Variants in EVPL observed in about 807,000 individuals in gnomAD.
The protein encoded by EVPL is envoplakin.
Under a neutral mutation model 129.7 loss-of-function variants are expected in EVPL, and 94 were observed. That is an observed-to-expected ratio of 0.72 (90% confidence interval 0.61 to 0.86). The LOEUF is 0.86. Among genes scored for constraint, EVPL ranks in the 40% least tolerant of loss-of-function variants. The probability of loss-of-function intolerance (pLI) is 0.00; values close to 1 mark genes in which losing one functional copy is unlikely to be tolerated. For missense variants in EVPL, 2,625 were observed against 2,721.1 expected, an observed-to-expected ratio of 0.96 and a Z score of 0.79; for synonymous variants, 1,172 against 1,191.1, an observed-to-expected ratio of 0.98 and a Z score of 0.33.
chr17:76,008,616 C>G lies in EVPL; in HGVS notation c.4589G>C (p.Arg1530Pro). ...YKEVIRVQKD[R>P]VLEDERARVW... ...GCGGGCCCGCTCATCTTCCAGGACG[C>G]GGTCCTTCTGCACCCGGATCACTTC... The change falls in exon 22 of 22, where the codon CGC becomes CCC. Residue 1530 changes from arginine to proline, a missense_variant. Coordinates refer to ENST00000301607, the MANE Select transcript of EVPL (RefSeq NM_001988.4). This position sits in a 1 kb window ranked among gnomAD's most constrained non-coding sequence, Gnocchi z 7.4. 6.2e-7 allele frequency: 1 copy of G among 1,612,126 alleles called. No homozygotes were observed. The highest frequency in any genetic ancestry group is 8.5e-7 in the Non-Finnish European group (1 of 1,180,010).
chr17:76,014,787 C>A, intron 17 of EVPL, 129 bp downstream of exon 17: 1 of 1,154,842 alleles, frequency 8.7e-7, no homozygotes, highest in Non-Finnish European at 1.2e-6. Context: ...CTGTTGTTAT[C>A]CCATTTTAGA....
At chr17:76,025,139 C>T (rs1202299279) in intron 1 of EVPL, among the ~76,000 whole-genome samples, 1 of 152,210 alleles carries the variant, frequency 6.6e-6, no homozygotes, top group Non-Finnish European at 1.5e-5. Context: ...CCTCTCTGTG[C>T]CTGAGGTTCC....
chr17:76,023,400 C>T lies in EVPL; in HGVS notation c.372G>A (p.Glu124=), dbSNP rs549055012. Residue 124 remains glutamate, a synonymous_variant, in exon 4 of 22, where the codon GAG becomes GAA. Coordinates refer to ENST00000301607, the MANE Select transcript of EVPL (RefSeq NM_001988.4). ...EIEKDIKQLH[E]RVTQECAEYR... The stretch of plus-strand genomic sequence containing the variant: ...ACTCCGCACACTCCTGGGTCACCCG[C>T]TCGTGCAGCTGCTTGATGCTGTCAA... 5.0e-6 allele frequency: 8 copies of T among 1,613,858 alleles called. No homozygotes were observed. Among genetic ancestry groups the T allele is most frequent in the East Asian group, 4.5e-5 (2 of 44,848 alleles).
intron 18 of EVPL, among the ~76,000 whole-genome samples, chr17:76,012,942 C>T (rs1278878818): frequency 6.6e-6 from 1 of 151,902 alleles, no homozygotes; most frequent in African/African-American, 2.4e-5. Flanking sequence ...GATGGGGTTT[C>T]ACCGTGTTAG....
Position 76,024,329 on chromosome 17 carries a change from G to A in EVPL, c.99-209C>T, listed in dbSNP as rs1325131915. On this transcript the variant is annotated intron_variant, in intron 1 of 21. Transcript: ENST00000301607. This position sits in a 1 kb window ranked among gnomAD's most constrained non-coding sequence, Gnocchi z 4.5. ...GCCCCGCCACATGAGGGGTCAAAAG[G>A]TGAGGGTCTCAGGTTTGTGTGGTGC... is the stretch of plus-strand genomic sequence containing the variant. Among the ~76,000 whole-genome samples the A allele has an allele frequency of 1.3e-5, 2 of 152,196 alleles. No individual in the cohort carries two copies. Among genetic ancestry groups the A allele is most frequent in the Non-Finnish European group, 2.9e-5 (2 of 68,024 alleles).
rs756050084 is a variant in EVPL, at chr17:76,009,182, G to A, written c.4023C>T (p.Ala1341=). The A allele has an allele frequency of 8.1e-6, 13 of 1,610,894 alleles. No homozygotes were observed. Among genetic ancestry groups the A allele is most frequent in the Middle Eastern group, 3.3e-4 (2 of 6,084 alleles). The part of the protein sequence containing the change: ...ERLRQEVREA[A]QKRRAAEDAV... ...CGTCCTCCGCGGCCCGCCTCTTCTG[G>A]GCCGCCTCCCGCACCTCCTGGCGGA... is the stretch of plus-strand genomic sequence containing the variant. The change falls in exon 22 of 22, where the codon GCC becomes GCT. Residue 1341 remains alanine, a synonymous_variant. Transcript: ENST00000301607. The surrounding 1 kb of genome is among the most constrained non-coding windows in gnomAD (Gnocchi z 5.9).
At chr17:76,017,589 G>A (rs1353290611) in intron 14 of EVPL, 150 bp downstream of exon 14, 1 of 1,111,028 alleles carries the variant, frequency 9.0e-7, no homozygotes, top group Non-Finnish European at 1.2e-6. Context: ...AGCCAGGAGG[G>A]GAACCAGCTT....
In EVPL at chr17:76,014,951, G is replaced by A; in HGVS notation, c.2187C>T (p.Asp729=). ...RQQRQVRALT[D]RYHAVGDQLD... ...GCTGGTCCCCTACGGCGTGGTAGCG[G>A]TCGGTGAGGGCTCGCACCTGGCGCT... is the stretch of plus-strand genomic sequence containing the variant. The change falls in exon 17 of 22, where the codon GAC becomes GAT. Residue 729 remains aspartate, a synonymous_variant. Coordinates refer to ENST00000301607, the MANE Select transcript of EVPL (RefSeq NM_001988.4). The A allele has an allele frequency of 6.3e-7, 1 of 1,593,730 alleles. No homozygotes were observed. Among genetic ancestry groups the A allele is most frequent in the Non-Finnish European group, 8.5e-7 (1 of 1,171,994 alleles).
In EVPL at chr17:76,009,080, C is replaced by G. The variant is rs762044537; in HGVS notation, c.4125G>C (p.Val1375=). The change falls in exon 22 of 22, where the codon GTG becomes GTC. Residue 1375 remains valine, a synonymous_variant. Transcript: ENST00000301607. This position sits in a 1 kb window ranked among gnomAD's most constrained non-coding sequence, Gnocchi z 5.9. The stretch of plus-strand genomic sequence containing the variant: ...GCTTCGGGTCCTTCTGGGTGACCAC[C>G]ACCTCCTGCACCACCACCTTCTCCT... ...KPEEKVVVQE[V]VVTQKDPKLR... The G allele has an allele frequency of 3.7e-6, 6 of 1,613,458 alleles. No homozygotes were observed. In the Admixed American group the frequency reaches 8.3e-5, roughly 22 times the overall value.
intron 9 of EVPL, among the ~76,000 whole-genome samples, chr17:76,020,503 C>A (rs922753668): frequency 3.3e-5 from 5 of 152,022 alleles, no homozygotes; most frequent in African/African-American, 1.2e-4. Context: ...GGTGCTTTGA[C>A]GGAATTTTTG....
Position 76,015,425 on chromosome 17 carries a change from G to C in EVPL, c.1889+25C>G. ...GGGCCACACGCTGCTGCCCTGCGTG[G>C]CTGCCCTGTCCCCAGAGCACTCACT... On this transcript the variant is annotated intron_variant, in intron 15 of 21. Transcript: ENST00000301607. 3 of 1,607,042 alleles carry C rather than the reference G, an allele frequency of 1.9e-6. No homozygotes were observed. The East Asian group carries it at 6.7e-5, about 36-fold the overall frequency.
rs397833081 is a variant in EVPL, at chr17:76,024,073, T to G, written c.146A>C (p.Asn49Thr). 19 of 1,613,908 alleles carry G rather than the reference T, an allele frequency of 1.2e-5. No individual in the cohort carries two copies. The highest frequency in any genetic ancestry group is 1.5e-5 in the Non-Finnish European group (18 of 1,179,976). ...GATGTCCCGCTCCACCTGGTCGGCG[T>G]TGGCTTGCATGCGGGAGATGAGAAG... ...LALLISRMQA[N>T]ADQVERDILE... Residue 49 changes from asparagine (N) to threonine (T), a missense_variant, in exon 2 of 22, where the codon AAC becomes ACC. Physicochemically the swap from Asn to Thr is moderately conservative, Grantham distance 65 (BLOSUM62 0). This residue lies in a region of EVPL where 139 missense variants were observed against 186.8 expected (regional missense o/e 0.74). Coordinates refer to ENST00000301607, the MANE Select transcript of EVPL (RefSeq NM_001988.4). This position sits in a 1 kb window ranked among gnomAD's most constrained non-coding sequence, Gnocchi z 4.5.
In EVPL at chr17:76,015,558, A is replaced by G. The variant is rs1345483256; in HGVS notation, c.1781T>C (p.Leu594Pro). The G allele has an allele frequency of 1.2e-6, 2 of 1,613,212 alleles. No individual in the cohort carries two copies. Among genetic ancestry groups the G allele is most frequent in the Non-Finnish European group, 1.7e-6 (2 of 1,180,032 alleles). ...ETAQKECEAFLSTRPVGPAAL... is the reference protein window; with the variant it reads ...ETAQKECEAFPSTRPVGPAAL... Reference sequence around the variant, plus strand: ...AGCGGGGCCCACGGGCCGCGTGGACAGAAACGCCTCGCACTCCTTCTGGGC... The same window carrying G: ...AGCGGGGCCCACGGGCCGCGTGGACGGAAACGCCTCGCACTCCTTCTGGGC... Residue 594 changes from leucine to proline, a missense_variant, in exon 15 of 22, where the codon CTG (leucine) becomes CCG (proline). Physicochemically the swap from Leu to Pro is moderately conservative, Grantham distance 98. Around this residue, in one of 4 missense-constraint regions of EVPL, gnomAD observed 1,024 missense variants for 997.5 expected, o/e 1.03. Coordinates refer to ENST00000301607, the MANE Select transcript of EVPL (RefSeq NM_001988.4).
chr17:76,019,757 C>G (rs571972211), intron 9 of EVPL, 104 bp from the exon 10 acceptor site: 1 of 1,375,180 alleles, frequency 7.3e-7, no homozygotes, highest in East Asian at 2.7e-5. Flanking sequence ...GCAGCTAAAC[C>G]TAAACCAGCT....
At chr17:76,010,604 T>A in intron 21 of EVPL, 61 bp from the exon 22 acceptor site, 1 of 1,499,578 alleles carries the variant, frequency 6.7e-7, no homozygotes, top group Non-Finnish European at 8.9e-7. Context: ...CTCCATGTTT[T>A]TCCTGAGATG....
At chr17:76,018,760 C>T (rs993460150) in intron 11 of EVPL, among the ~76,000 whole-genome samples, 154 bp downstream of exon 11, 8 of 149,442 alleles carry the variant, frequency 5.4e-5, no homozygotes, top group Non-Finnish European at 4.4e-5. Context: ...CAGGACAGGA[C>T]TTGGAGAGAG....
intron 9 of EVPL, among the ~76,000 whole-genome samples, chr17:76,020,943 A>G (rs1359758505): frequency 1.3e-5 from 2 of 152,054 alleles, no homozygotes; most frequent in African/African-American, 4.8e-5. Flanking sequence ...AAGAGTTAAG[A>G]TATTTTTCTG....
At position 76,023,557 on chromosome 17, in the gene EVPL, A is replaced by T; in HGVS notation, c.296T>A (p.Leu99Gln). 1.9e-6 allele frequency: 3 copies of T among 1,613,322 alleles called. No homozygotes were observed. The highest frequency in any genetic ancestry group is 2.5e-6 in the Non-Finnish European group (3 of 1,179,950). Residue 99 changes from leucine (L) to glutamine (Q), a missense_variant, in exon 3 of 22, where the codon CTG (leucine) becomes CAG (glutamine). By Grantham distance (113) the Leu-to-Gln change is moderately radical (BLOSUM62 -2). Around this residue, in one of 4 missense-constraint regions of EVPL, gnomAD observed 139 missense variants for 186.8 expected, o/e 0.74. Coordinates refer to ENST00000301607, the MANE Select transcript of EVPL (RefSeq NM_001988.4). Reference sequence around the variant, plus strand: ...GAGCCGCCGGGCCTTGTCCACGTCCAGGAAGAGGTCCTTGAGCAGCACCTC... The same window carrying T: ...GAGCCGCCGGGCCTTGTCCACGTCCTGGAAGAGGTCCTTGAGCAGCACCTC... ...EAEVLLKDLF[L>Q]DVDKARRLKH...
chr17:76,012,306 T>G, intron 18 of EVPL: 1 of 406,970 alleles, frequency 2.5e-6, no homozygotes, highest in Non-Finnish European at 4.1e-6. Context: ...AATCCCTTTC[T>G]TTCCTTTTTT....
Sources: allele counts gnomAD v4.1 joint callset (sites outside exome capture counted in the v4.1 genomes callset), GRCh38; gene constraint gnomAD v4.1.1; regional missense constraint gnomAD v4.1.1; non-coding constraint Gnocchi (gnomAD v3.1); transcripts MANE v1.5; gene names NCBI Gene and HGNC (gene_info 2026-07-23, HGNC 2026-07-21).